The following TMEM33 variants were observed in gnomAD, a reference collection of about 807,000 sequenced individuals.
TMEM33 encodes the protein transmembrane protein 33.
Under a neutral mutation model 29.7 loss-of-function variants are expected in TMEM33, and 16 were observed. The ratio of observed to expected loss-of-function variants is 0.54; its 90% CI spans 0.36 to 0.82. The LOEUF (loss-of-function observed/expected upper bound fraction) is 0.82. TMEM33 is among the 40% of genes least tolerant of loss of function. The pLI is 0.00. For missense variants in TMEM33, 252 were observed against 295.3 expected (o/e 0.85, Z 1.08); for synonymous variants, 112 against 109.4 (o/e 1.02, Z -0.15).
Position 41,958,932 on chromosome 4 carries a change from G to A in TMEM33, c.*4733G>A, listed in dbSNP as rs147909588. The A allele has an allele frequency of 4.6e-5, 7 of 151,600 alleles. No homozygotes were observed. The East Asian group carries it at 1.2e-3, about 25-fold the overall frequency. 9.4% of individuals were successfully genotyped at this position (151,600 alleles called of 1,614,324 possible). A position where few individuals can be genotyped will look rare whatever the true frequency, so the allele number is the denominator to read the frequency against. On this transcript the variant is annotated 3_prime_UTR_variant, in exon 7 of 7. Transcript: ENST00000504986. ...CCATGTTCACCATGTTGGTCAGGCT[G>A]GTCTTGAACTCCTGGCCTCAAGTGA... is the stretch of plus-strand genomic sequence containing the variant.
chr4:41,944,837 CA>C lies in TMEM33; in HGVS notation c.444del (p.Lys148AsnfsTer2). The C allele has an allele frequency of 6.2e-7, 1 of 1,613,562 alleles. No individual in the cohort carries two copies. Among genetic ancestry groups the C allele is most frequent in the Non-Finnish European group, 8.5e-7 (1 of 1,179,800 alleles). On this transcript the variant is annotated frameshift_variant, in exon 5 of 7. Transcript: ENST00000504986. LOFTEE classifies it high-confidence loss of function. ...TACCTCTGCTGAGATCTGTCTTGGA[CA>C]AATTAAGTGCTAATCAACAAAATAT... ...SLPLLRSVLDKLSANQQNILK... is the reference protein window; with the variant it reads ...SLPLLRSVLDXLSANQQNILK...
chr4:41,950,852 A>T (rs1659084015), intron 6 of TMEM33, among the ~76,000 whole-genome samples: 1 of 152,058 alleles, frequency 6.6e-6, no homozygotes. Context: ...ACATACCCTT[A>T]AATCATATTA....
chr4:41,935,613 GA>G (rs1378531083), intron 1 of TMEM33, 84 bp downstream of exon 1: 10 of 1,363,040 alleles, frequency 7.3e-6, no homozygotes, highest in South Asian at 1.2e-5. Context: ...AGGCGTTCCA[GA>G]AGCTCAGTGC....
intron 6 of TMEM33, among the ~76,000 whole-genome samples, chr4:41,952,095 A>G (rs1713065792): frequency 1.3e-5 from 2 of 152,312 alleles, no homozygotes; most frequent in African/African-American, 4.8e-5. Context: ...GGTAAAAGGA[A>G]AAGGGGACAA....
intron 3 of TMEM33, among the ~76,000 whole-genome samples, chr4:41,943,471 G>T (rs1032126297): frequency 2.0e-5 from 3 of 151,922 alleles, no homozygotes; most frequent in Admixed American, 2.0e-4. Context: ...GTTGCAGTGA[G>T]CCAAGATTAC....
chr4:41,952,230 G>A (rs969310850), intron 6 of TMEM33, among the ~76,000 whole-genome samples: 2 of 152,184 alleles, frequency 1.3e-5, no homozygotes, highest in African/African-American at 4.8e-5. Flanking sequence ...AGGAGATACA[G>A]GAAGGGCAGG....
chr4:41,946,270 A>G (rs1712785472), intron 5 of TMEM33, among the ~76,000 whole-genome samples: 1 of 152,052 alleles, frequency 6.6e-6, no homozygotes, highest in African/African-American at 2.4e-5. Flanking sequence ...TTTGTGTTTA[A>G]TGGACCATGC....
chr4:41,952,677 A>C (rs1256792903), intron 6 of TMEM33, among the ~76,000 whole-genome samples: 2 of 152,112 alleles, frequency 1.3e-5, no homozygotes, highest in Non-Finnish European at 2.9e-5. Context: ...AATTAGATTG[A>C]GACTAGATTG....
At chr4:41,949,181 T>TCA (rs1480077328) in intron 5 of TMEM33, 121 bp from the exon 6 acceptor site, 2 of 570,360 alleles carry the variant, frequency 3.5e-6, no homozygotes, top group Non-Finnish European at 6.0e-6. Context: ...ATGATAGATT[T>TCA]CACTATGACC....
intron 4 of TMEM33, chr4:41,944,212 T>C (rs1693669831): frequency 5.7e-6 from 1 of 175,436 alleles, no homozygotes. Context: ...AACTGCTGCT[T>C]TCCTGAAATT....
At chr4:41,939,501 T>G (rs1170569616) in intron 3 of TMEM33, 118 bp downstream of exon 3, 12 of 1,049,188 alleles carry the variant, frequency 1.1e-5, no homozygotes, top group African/African-American at 1.6e-5. Flanking sequence ...CGGCACTTCA[T>G]TTGAATGAAG....
rs78394595 is a variant in TMEM33, at chr4:41,937,055, A to ATTT, written c.46-1534_46-1532dup. ...CAATTTTTCACCCAAAGATCTAGTG[A>ATTT]TTTTTTTTTTTTTTTGCCTGATGGT... On this transcript the variant is annotated intron_variant, in intron 1 of 6. Coordinates refer to ENST00000504986, the MANE Select transcript of TMEM33 (RefSeq NM_018126.3). Among the ~76,000 whole-genome samples the ATTT allele has an allele frequency of 3.3e-3, 462 of 140,174 alleles. 6 individuals carry two copies. Among genetic ancestry groups the ATTT allele is most frequent in the African/African-American group, 0.011 (438 of 38,480 alleles). The allele number at this position is 140,174 out of a possible 152,430, so 92.0% of individuals were successfully genotyped here.
chr4:41,955,181 T>G lies in TMEM33; in HGVS notation c.*982T>G, dbSNP rs182061176. The G allele has an allele frequency of 1.2e-4, 18 of 152,664 alleles. No homozygotes were observed. Among genetic ancestry groups the G allele is most frequent in the African/African-American group, 3.9e-4 (16 of 41,538 alleles). 9.5% of individuals were successfully genotyped at this position (152,664 alleles called of 1,614,324 possible). On this transcript the variant is annotated 3_prime_UTR_variant, in exon 7 of 7. Coordinates refer to ENST00000504986, the MANE Select transcript of TMEM33 (RefSeq NM_018126.3). ...GGAGAGTATACTGTAGATTACATGTTTACCCATCAAATCTGACTTAAAAGG... is the reference window on the plus strand; with the variant it reads ...GGAGAGTATACTGTAGATTACATGTGTACCCATCAAATCTGACTTAAAAGG...
At chr4:41,945,973 C>CAAAAA (rs35896467) in intron 5 of TMEM33, among the ~76,000 whole-genome samples, 12 of 75,890 alleles carry the variant, frequency 1.6e-4, no homozygotes, top group African/African-American at 2.4e-4. Context: ...TCTGTCTCAC[C>CAAAAA]AAAAAAAAAA....
intron 5 of TMEM33, 54 bp from the exon 6 acceptor site, chr4:41,949,248 G>A: frequency 1.6e-6 from 2 of 1,258,988 alleles, no homozygotes; most frequent in East Asian, 2.4e-5. Flanking sequence ...AGTTTTGAGA[G>A]TATACACATG....
At chr4:41,947,405 G>A (rs1462835344) in intron 5 of TMEM33, among the ~76,000 whole-genome samples, 1 of 152,090 alleles carries the variant, frequency 6.6e-6, no homozygotes, top group Non-Finnish European at 1.5e-5. Flanking sequence ...TGCAAACTTA[G>A]ACAAAAACTT....
In TMEM33 at chr4:41,958,389, A is replaced by G. The variant is rs1713349537; in HGVS notation, c.*4190A>G. On this transcript the variant is annotated 3_prime_UTR_variant, in exon 7 of 7. Transcript: ENST00000504986. ...TAGGAAAACAGTAAAATAGGCCACAATTTGGAGTGACACCATTCAGATCAA... is the reference window on the plus strand; with the variant it reads ...TAGGAAAACAGTAAAATAGGCCACAGTTTGGAGTGACACCATTCAGATCAA... 2 of 152,212 alleles carry G rather than the reference A, an allele frequency of 1.3e-5. No homozygotes were observed. 9.4% of individuals were successfully genotyped at this position (152,212 alleles called of 1,614,324 possible).
Position 41,944,830 on chromosome 4 carries a change from T to C in TMEM33, c.434T>C (p.Val145Ala), listed in dbSNP as rs1291574613. The part of the protein sequence containing the change: ...GSNSLPLLRS[V>A]LDKLSANQQN... ...AATAGTTTACCTCTGCTGAGATCTG[T>C]CTTGGACAAATTAAGTGCTAATCAA... The change falls in exon 5 of 7, where the codon GTC (valine) becomes GCC (alanine). Residue 145 changes from valine to alanine, a missense_variant. Val to Ala is a moderately conservative substitution (Grantham distance 64, BLOSUM62 0). Coordinates refer to ENST00000504986, the MANE Select transcript of TMEM33 (RefSeq NM_018126.3). 1 of 1,613,636 alleles carries C rather than the reference T, an allele frequency of 6.2e-7. No homozygotes were observed. Among genetic ancestry groups the C allele is most frequent in the Non-Finnish European group, 8.5e-7 (1 of 1,179,822 alleles).
intron 4 of TMEM33, 122 bp downstream of exon 4, chr4:41,943,936 T>G: frequency 1.2e-6 from 1 of 809,474 alleles, no homozygotes. Context: ...TTGTTATGAA[T>G]TATTTAGTGA....
Sources: gnomAD v4.1 joint callset for allele counts (sites outside exome capture counted in the v4.1 genomes callset) on GRCh38, gnomAD v4.1.1 for gene constraint, MANE v1.5 for transcripts, NCBI Gene and HGNC (gene_info 2026-07-23, HGNC 2026-07-21) for gene names.